NNMT: variants seen among roughly 807,000 people sequenced by gnomAD.
The protein encoded by NNMT is nicotinamide N-methyltransferase.
In NNMT, 10 loss-of-function variants were observed where a neutral mutation model predicts 11.7. The observed-to-expected ratio is 0.85, with a 90% CI of 0.53 to 1.45. The LOEUF (loss-of-function observed/expected upper bound fraction) is 1.45, where lower values mean the gene tolerates loss of function less well. Among genes scored for constraint, NNMT ranks in the 40% most tolerant of loss-of-function variants. NNMT has a pLI of 0.00. For missense variants in NNMT, 381 were observed against 319.4 expected (o/e 1.19, Z -1.47); for synonymous variants, 143 against 133.8 (o/e 1.07, Z -0.48).
intron 1 of NNMT, among the ~76,000 whole-genome samples, chr11:114,261,253 G>A (rs992485743): frequency 6.6e-6 from 1 of 152,162 alleles, no homozygotes; most frequent in Non-Finnish European, 1.5e-5. Context: ...TGCTAAGGCC[G>A]CCTGGAAAGC....
chr11:114,312,219 G>T lies in NNMT; in HGVS notation c.537G>T (p.Ala179=), dbSNP rs766221246. The T allele has an allele frequency of 5.6e-6, 9 of 1,613,964 alleles. No homozygotes were observed. The highest frequency in any genetic ancestry group is 2.2e-5 in the South Asian group (2 of 91,080). Residue 179 remains alanine, a synonymous_variant, in exon 3 of 3, where the codon GCG becomes GCT. Coordinates refer to ENST00000299964, the MANE Select transcript of NNMT (RefSeq NM_006169.3). Reference sequence around the variant, plus strand: ...CAGACCTCCCCACCTACTGCAGGGCGCTCAGGAACCTCGGCAGCCTACTGA... The same window carrying T: ...CAGACCTCCCCACCTACTGCAGGGCTCTCAGGAACCTCGGCAGCCTACTGA... The part of the protein sequence containing the change: ...ACPDLPTYCR[A]LRNLGSLLKP...
Position 114,312,562 on chromosome 11 carries a change from G to GT in NNMT, c.*86dup. The stretch of plus-strand genomic sequence containing the variant: ...TTCTAACTGCCAAGTCATGTGCTGA[G>GT]TAGAGGCTCAGTGGTTGGGGCCCAA... On this transcript the variant is annotated 3_prime_UTR_variant, in exon 3 of 3. Transcript: ENST00000299964. 7.3e-7 allele frequency: 1 copy of GT among 1,371,148 alleles called. No individual in the cohort carries two copies. The highest frequency in any genetic ancestry group is 1.0e-6 in the Non-Finnish European group (1 of 995,924). 84.9% of individuals were successfully genotyped at this position (1,371,148 alleles called of 1,614,324 possible). A position where few individuals can be genotyped will look rare whatever the true frequency, so the allele number is the denominator to read the frequency against.
intron 2 of NNMT, among the ~76,000 whole-genome samples, chr11:114,271,358 C>T (rs139522238): frequency 3.3e-5 from 5 of 152,260 alleles, no homozygotes; most frequent in Non-Finnish European, 5.9e-5. Flanking sequence ...TGTCAGCCCT[C>T]GTGTCTGGCA....
At chr11:114,288,950 G>T (rs1369001588) in intron 2 of NNMT, among the ~76,000 whole-genome samples, 1 of 152,150 alleles carries the variant, frequency 6.6e-6, no homozygotes, top group African/African-American at 2.4e-5. Context: ...AAAGTTAGTT[G>T]AGGGGTATTT....
At chr11:114,288,509 A>C (rs187641871) in intron 2 of NNMT, among the ~76,000 whole-genome samples, 4 of 150,210 alleles carry the variant, frequency 2.7e-5, no homozygotes, top group Admixed American at 2.0e-4. Context: ...ACATGTGATG[A>C]TTTGTATTAA....
At chr11:114,301,789 T>C (rs1945441576) in intron 2 of NNMT, among the ~76,000 whole-genome samples, 1 of 151,838 alleles carries the variant, frequency 6.6e-6, no homozygotes, top group Non-Finnish European at 1.5e-5. Context: ...GGTATGCCAA[T>C]GTAGGCCTTC....
upstream of NNMT, among the ~76,000 whole-genome samples, chr11:114,292,481 G>T (rs548952628): frequency 1.1e-4 from 17 of 152,168 alleles, no homozygotes; most frequent in Non-Finnish European, 2.4e-4. Flanking sequence ...TGTGCATTAA[G>T]TATTGTAGCA....
At position 114,312,143 on chromosome 11, in the gene NNMT, T is replaced by C. The variant is rs760008289; in HGVS notation, c.461T>C (p.Leu154Ser). Residue 154 changes from leucine to serine, a missense_variant, in exon 3 of 3, where the codon TTA becomes TCA. Leu to Ser is a moderately radical substitution (Grantham distance 145). Transcript: ENST00000299964. Reference protein sequence around the residue: ...TQSQPLGAVPLPPADCVLSTL... With the variant: ...TQSQPLGAVPSPPADCVLSTL... ...AGCCAGCCACTGGGGGCCGTCCCCT[T>C]ACCCCCGGCTGACTGCGTGCTCAGC... The C allele has an allele frequency of 1.9e-6, 3 of 1,614,086 alleles. No individual in the cohort carries two copies. The highest frequency in any genetic ancestry group is 2.5e-6 in the Non-Finnish European group (3 of 1,179,956).
chr11:114,267,425 C>T (rs1945130733), intron 2 of NNMT, among the ~76,000 whole-genome samples: 1 of 152,124 alleles, frequency 6.6e-6, no homozygotes, highest in Non-Finnish European at 1.5e-5. Flanking sequence ...CCACCATATC[C>T]TTGATGTTAT....
chr11:114,285,193 G>A (rs1252814014), intron 2 of NNMT, among the ~76,000 whole-genome samples: 1 of 152,142 alleles, frequency 6.6e-6, no homozygotes, highest in Non-Finnish European at 1.5e-5. Context: ...TTAGAAGCCA[G>A]TGAAAATATT....
Position 114,277,516 on chromosome 11 carries a change from G to A in NNMT, c.-130+14582G>A, listed in dbSNP as rs138104430. On this transcript the variant is annotated intron_variant, in intron 2 of 4. Transcript: ENST00000535401. Reference sequence around the variant, plus strand: ...GGGGAAAGACTTTTTGAAGGAAGTAGCAGCACATTGGTGAGATGTAAAGGA... The same window carrying A: ...GGGGAAAGACTTTTTGAAGGAAGTAACAGCACATTGGTGAGATGTAAAGGA... Among the ~76,000 whole-genome samples the A allele has an allele frequency of 3.5e-3, 527 of 152,292 alleles. 2 individuals carry two copies. The highest frequency in any genetic ancestry group is 0.012 in the African/African-American group (500 of 41,560).
intron 2 of NNMT, among the ~76,000 whole-genome samples, chr11:114,266,889 A>G (rs964297237): frequency 2.0e-5 from 3 of 152,260 alleles, no homozygotes; most frequent in Non-Finnish European, 4.4e-5. Context: ...CTCCAAAACC[A>G]TGAGCTGAAT....
chr11:114,261,789 A>C (rs1321721567), intron 1 of NNMT, among the ~76,000 whole-genome samples: 6 of 151,974 alleles, frequency 3.9e-5, no homozygotes, highest in Non-Finnish European at 7.4e-5. Flanking sequence ...TTCTTTCTTG[A>C]CTTTTCTTCT....
Position 114,296,567 on chromosome 11 carries a change from G to C in NNMT, c.11G>C (p.Gly4Ala), listed in dbSNP as rs763975331. Residue 4 changes from glycine to alanine, a missense_variant, in exon 1 of 3, where the codon GGC (glycine) becomes GCC (alanine). Physicochemically the swap from Gly to Ala is moderately conservative, Grantham distance 60. Transcript: ENST00000299964. MES[G>A]FTSKDTYLSH... is the part of the protein sequence containing the mutation. ...CAGAAGTGAGACATAATGGAATCAG[G>C]CTTCACCTCCAAGGACACCTATCTA... 3 of 1,613,874 alleles carry C rather than the reference G, an allele frequency of 1.9e-6. No individual in the cohort carries two copies. Among genetic ancestry groups the C allele is most frequent in the Middle Eastern group, 1.6e-4 (1 of 6,062 alleles).
Position 114,312,194 on chromosome 11 carries a change from C to T in NNMT, c.512C>T (p.Pro171Leu). The T allele has an allele frequency of 6.2e-7, 1 of 1,614,222 alleles. No homozygotes were observed. Among genetic ancestry groups the T allele is most frequent in the Non-Finnish European group, 8.5e-7 (1 of 1,180,028 alleles). ...LSTLCLDAACPDLPTYCRALR... is the reference protein window; with the variant it reads ...LSTLCLDAACLDLPTYCRALR... ...ACACTGTGTCTGGATGCCGCCTGCC[C>T]AGACCTCCCCACCTACTGCAGGGCG... Residue 171 changes from proline (P) to leucine (L), a missense_variant, in exon 3 of 3, where the codon CCA (proline) becomes CTA (leucine). Coordinates refer to ENST00000299964, the MANE Select transcript of NNMT (RefSeq NM_006169.3).
intron 2 of NNMT, among the ~76,000 whole-genome samples, chr11:114,263,608 G>A (rs922156396): frequency 9.2e-5 from 14 of 152,110 alleles, no homozygotes; most frequent in African/African-American, 3.4e-4. Context: ...TCAACCACCT[G>A]GCAGATAACG....
At chr11:114,267,958 A>G (rs1945134346) in intron 2 of NNMT, among the ~76,000 whole-genome samples, 2 of 152,254 alleles carry the variant, frequency 1.3e-5, no homozygotes, top group South Asian at 4.2e-4. Flanking sequence ...ATACCCACAT[A>G]CTGCATCGAT....
rs1945401724 is a variant in NNMT, at chr11:114,298,097, G to A, written c.301G>A (p.Glu101Lys). ...GGAGCTGGAGAAGTGGCTGAAGAAA[G>A]AGCCAGAGGCCTTTGACTGGTCCCC... ...LQELEKWLKK[E>K]PEAFDWSPVV... Residue 101 changes from glutamate to lysine, a missense_variant, in exon 2 of 3, where the codon GAG becomes AAG. By Grantham distance (56) the Glu-to-Lys change is moderately conservative (BLOSUM62 1). Coordinates refer to ENST00000299964, the MANE Select transcript of NNMT (RefSeq NM_006169.3). 3 of 1,614,194 alleles carry A rather than the reference G, an allele frequency of 1.9e-6. No individual in the cohort carries two copies. In the East Asian group the frequency reaches 6.7e-5, roughly 36 times the overall value.
chr11:114,257,977 G>C (rs1241128408), intron 1 of NNMT: 1 of 152,338 alleles, frequency 6.6e-6, no homozygotes, highest in African/African-American at 2.4e-5. Context: ...TGGAGAGAAA[G>C]GGGCCCTGGC....
Sources: gnomAD v4.1 joint callset for allele counts (sites outside exome capture counted in the v4.1 genomes callset) on GRCh38, gnomAD v4.1.1 for gene constraint, MANE v1.5 for transcripts, NCBI Gene and HGNC (gene_info 2026-07-23, HGNC 2026-07-21) for gene names.